Variants in DACH2 observed in about 807,000 individuals in gnomAD.
DACH2 encodes the protein dachshund homolog 2.
DACH2 carries 17 observed loss-of-function variants against 35.8 expected under a neutral mutation model. The observed-to-expected ratio is 0.48, with a 90% CI of 0.33 to 0.71. The LOEUF (loss-of-function observed/expected upper bound fraction) is 0.71. Ranked by LOEUF, DACH2 falls within the 30% of genes least tolerant of loss-of-function variation. The pLI, the probability that DACH2 is intolerant of heterozygous loss-of-function variation, is 0.02. For missense variants in DACH2, 469 were observed against 472.7 expected, an observed-to-expected ratio of 0.99 and a Z score of 0.07; for synonymous variants, 195 against 177.3, an observed-to-expected ratio of 1.10 and a Z score of -0.79.
chrX:86,739,295 G>A lies in DACH2; in HGVS notation c.1105-452G>A, dbSNP rs149055652. On this transcript the variant is annotated intron_variant, in intron 6 of 11. Transcript: ENST00000373125. ...ATCCATGCAGAAAAGCTCAACATGT[G>A]CCAGGTGCCACAATTTGTGAGTTTT... 4.6e-3 allele frequency among the ~76,000 whole-genome samples: 518 copies of A among 111,477 alleles called. 3 individuals are homozygous for A. The highest frequency in any genetic ancestry group is 0.016 in the African/African-American group (492 of 30,726).
chrX:86,429,695 GGATTACGGGTGT>G (rs1301817536), intron 2 of DACH2, among the ~76,000 whole-genome samples: 7 of 109,865 alleles, frequency 6.4e-5, no homozygotes, highest in Non-Finnish European at 1.1e-4. Context: ...CGAGTAGCTG[GGATTACGGGTGT>G]GTGCACCAGG....
At chrX:86,662,406 A>T (rs1286882919) in intron 4 of DACH2, among the ~76,000 whole-genome samples, 1 of 111,422 alleles carries the variant, frequency 9.0e-6, no homozygotes, top group Non-Finnish European at 1.9e-5. Flanking sequence ...ATCCTGGCTA[A>T]CACGGTGAAA....
chrX:86,376,408 G>A (rs1057296826), intron 1 of DACH2, among the ~76,000 whole-genome samples: 1 of 110,135 alleles, frequency 9.1e-6, no homozygotes, highest in Admixed American at 9.8e-5. Context: ...GGATGGGAAG[G>A]AAGGCTCTTG....
intron 1 of DACH2, among the ~76,000 whole-genome samples, chrX:86,256,529 A>T (rs2033523678): frequency 9.0e-6 from 1 of 111,445 alleles, no homozygotes; most frequent in Non-Finnish European, 1.9e-5. Context: ...CGTGAGACTA[A>T]ATTTTCTCCC....
chrX:86,629,724 TAA>T (rs201747809), intron 3 of DACH2, among the ~76,000 whole-genome samples: 1 of 99,026 alleles, frequency 1.0e-5, no homozygotes, highest in Non-Finnish European at 2.1e-5. Flanking sequence ...CTCTGCAGAA[TAA>T]AAAAAAAAAA....
At chrX:86,203,928 G>A (rs900704266) in intron 1 of DACH2, among the ~76,000 whole-genome samples, 60 of 111,556 alleles carry the variant, frequency 5.4e-4, no homozygotes, top group African/African-American at 1.9e-3. Flanking sequence ...TGGCAAACAC[G>A]GAGAAGGAGT....
chrX:86,303,100 T>C (rs1208048713), intron 1 of DACH2, among the ~76,000 whole-genome samples: 1 of 103,166 alleles, frequency 9.7e-6, no homozygotes, highest in African/African-American at 3.6e-5. Flanking sequence ...AACGCAGACA[T>C]TGTGGCCCCA....
At chrX:86,230,683 G>A (rs941210955) in intron 1 of DACH2, among the ~76,000 whole-genome samples, 2 of 111,138 alleles carry the variant, frequency 1.8e-5, no homozygotes, top group Admixed American at 1.9e-4. Context: ...GGTCTGTTCG[G>A]GGTATGTAAT....
rs200727715 is a variant in DACH2, at chrX:86,735,545, A to AACTT, written c.1105-4200_1105-4197dup. On this transcript the variant is annotated intron_variant, in intron 6 of 11. Coordinates refer to ENST00000373125, the MANE Select transcript of DACH2 (RefSeq NM_053281.3). ...ACTAATTAATAGCATTTTCCGTAACAACTTATTCTTTTTAGGCAAAGTCCT... is the reference window on the plus strand; with the variant it reads ...ACTAATTAATAGCATTTTCCGTAACAACTTACTTATTCTTTTTAGGCAAAGTCCT... 8.8e-3 allele frequency among the ~76,000 whole-genome samples: 984 copies of AACTT among 111,977 alleles called. 7 individuals carry two copies. Among genetic ancestry groups the AACTT allele is most frequent in the Non-Finnish European group, 0.013 (706 of 52,959 alleles).
intron 1 of DACH2, among the ~76,000 whole-genome samples, chrX:86,314,711 TG>T (rs2034864270): frequency 8.9e-6 from 1 of 112,181 alleles, no homozygotes; most frequent in South Asian, 3.7e-4. Context: ...CTTTTGCTGA[TG>T]TGAAGAAAGT....
chrX:86,269,299 C>G (rs2033771742), intron 1 of DACH2, among the ~76,000 whole-genome samples: 1 of 111,922 alleles, frequency 8.9e-6, no homozygotes, highest in Admixed American at 9.6e-5. Flanking sequence ...CCAGTATTAT[C>G]CCGTGTTGTT....
intron 1 of DACH2, among the ~76,000 whole-genome samples, chrX:86,294,451 G>T (rs2034394111): frequency 9.0e-6 from 1 of 110,842 alleles, no homozygotes; most frequent in African/African-American, 3.3e-5. Flanking sequence ...ATCCAGCTTT[G>T]TTCCGTTGCT....
At chrX:86,295,830 A>AT (rs769469339) in intron 1 of DACH2, among the ~76,000 whole-genome samples, 4,081 of 106,589 alleles carry the variant, frequency 0.038, 210 homozygotes, top group African/African-American at 0.13. Context: ...AGAGAACAAG[A>AT]TTTTTTTTTT....
At chrX:86,563,237 A>G (rs1410125460) in intron 3 of DACH2, among the ~76,000 whole-genome samples, 2 of 110,539 alleles carry the variant, frequency 1.8e-5, no homozygotes, top group African/African-American at 3.3e-5. Context: ...AAAGGAGTCA[A>G]TGCCGTTGAC....
chrX:86,331,263 G>A (rs1295347261), intron 1 of DACH2, among the ~76,000 whole-genome samples: 2 of 110,409 alleles, frequency 1.8e-5, no homozygotes, highest in East Asian at 2.9e-4. Context: ...CGAGGCTGTC[G>A]GCGTCAGTAA....
rs752748690 is a variant in DACH2 at position 86,696,828 on chromosome X, G to T, written c.931+1649G>T. Among the ~76,000 whole-genome samples the T allele has an allele frequency of 6.3e-4, 70 of 111,421 alleles. 1 individual carries two copies. The highest frequency in any genetic ancestry group is 2.2e-3 in the African/African-American group (69 of 30,690). ...TCTAGGAGCCATACCAGATTCTCAG[G>T]GTGAAGATATGATAAAATTCCCCTC... is the stretch of plus-strand genomic sequence containing the variant. On this transcript the variant is annotated intron_variant, in intron 5 of 11. Transcript: ENST00000373125.
At chrX:86,464,023 G>A (rs977058154) in intron 2 of DACH2, among the ~76,000 whole-genome samples, 1 of 111,543 alleles carries the variant, frequency 9.0e-6, no homozygotes, top group African/African-American at 3.3e-5. Context: ...AGAAACAACA[G>A]ATGCTGGAGA....
chrX:86,808,969 T>G (rs2042370469), intron 7 of DACH2, among the ~76,000 whole-genome samples: 1 of 111,915 alleles, frequency 8.9e-6, no homozygotes, highest in Non-Finnish European at 1.9e-5. Context: ...CCTACAAAAG[T>G]TCTTGTCAAC....
At chrX:86,261,660 T>C (rs2033627514) in intron 1 of DACH2, among the ~76,000 whole-genome samples, 1 of 111,692 alleles carries the variant, frequency 9.0e-6, no homozygotes, top group South Asian at 3.8e-4. Flanking sequence ...AAATGCTTAG[T>C]GGAGTACATT....
Sources: gnomAD v4.1 joint callset for allele counts (sites outside exome capture counted in the v4.1 genomes callset) on GRCh38, gnomAD v4.1.1 for gene constraint, MANE v1.5 for transcripts, NCBI Gene and HGNC (gene_info 2026-07-23, HGNC 2026-07-21) for gene names.